Variants in TRIM37 observed in about 807,000 individuals in gnomAD.
The protein encoded by TRIM37 is tripartite motif containing 37, also known as E3 ubiquitin-protein ligase TRIM37.
TRIM37 carries 80 observed loss-of-function variants against 129.8 expected under a neutral mutation model. That is an observed-to-expected ratio of 0.62 (90% confidence interval 0.51 to 0.74). TRIM37 has a LOEUF of 0.74. TRIM37 is among the 30% of genes least tolerant of loss of function. TRIM37 has a pLI of 0.00. For missense variants in TRIM37, 1,054 were observed against 1,176.5 expected, an observed-to-expected ratio of 0.90 and a Z score of 1.52; for synonymous variants, 389 against 387.1, an observed-to-expected ratio of 1.00 and a Z score of -0.06.
chr17:59,060,519 T>C (rs770876574), intron 12 of TRIM37, among the ~76,000 whole-genome samples: 3 of 152,196 alleles, frequency 2.0e-5, no homozygotes, highest in Non-Finnish European at 2.9e-5. Flanking sequence ...TTGTTCAGTT[T>C]GGATGTAATA....
intron 22 of TRIM37, among the ~76,000 whole-genome samples, chr17:59,009,119 C>CT (rs927871882): frequency 2.0e-5 from 3 of 151,886 alleles, no homozygotes; most frequent in Non-Finnish European, 4.4e-5. Flanking sequence ...CTTCCAAGTT[C>CT]TTTTTTTTCT....
rs2043540743 is a variant in TRIM37 at position 59,084,051 on chromosome 17, C to T, written c.320G>A (p.Trp107Ter). ...NHHEKLSVFCWTCKKCICHQC... is the reference protein window; with the variant it reads ...NHHEKLSVFC ...ATGGCAGATACACTTCTTACAAGTC[C>T]AGCAAAATACACTAAGTTTTTCATG... is the stretch of plus-strand genomic sequence containing the variant. Residue 107 changes from tryptophan (W) to a stop codon, truncating the protein, a stop_gained, in exon 5 of 24, where the codon TGG becomes TAG. Transcript: ENST00000262294. LOFTEE classifies it high-confidence loss of function. 1 of 1,613,702 alleles carries T rather than the reference C, an allele frequency of 6.2e-7. No individual in the cohort carries two copies. Among genetic ancestry groups the T allele is most frequent in the Non-Finnish European group, 8.5e-7 (1 of 1,179,880 alleles).
chr17:58,985,624 A>G (rs893539440), intron 24 of TRIM37, among the ~76,000 whole-genome samples: 3 of 152,230 alleles, frequency 2.0e-5, no homozygotes, highest in African/African-American at 7.2e-5. Flanking sequence ...ATAAGTGAGT[A>G]AAAGGAGACA....
At chr17:58,977,494 T>C in the TRIM37 span, among the ~76,000 whole-genome samples, 5 of 150,926 alleles carry the variant, frequency 3.3e-5, no homozygotes, top group Non-Finnish European at 7.4e-5. Context: ...AGCCTAGATA[T>C]GAGTAAGATG....
chr17:59,030,864 A>C (rs1568024435), intron 18 of TRIM37, among the ~76,000 whole-genome samples: 1 of 152,236 alleles, frequency 6.6e-6, no homozygotes, highest in Non-Finnish European at 1.5e-5. Flanking sequence ...GGTTAAACCA[A>C]CTTACATATC....
At chr17:59,024,538 C>CT (rs2037012993) in intron 19 of TRIM37, among the ~76,000 whole-genome samples, 2 of 152,110 alleles carry the variant, frequency 1.3e-5, no homozygotes, top group African/African-American at 4.8e-5. Flanking sequence ...ATTAGTCTCT[C>CT]TTTTTTTAAG....
rs200919462 is a variant in TRIM37, at chr17:59,070,848, T to A, written c.784A>T (p.Thr262Ser). ...HRKPMASFVT[T>S]PVPPDFTSEL... ...CTGGTAAAGTCTGGTGGAACAGGAG[T>A]GGTAACAAAAGATGCCATGGGCTTC... The change falls in exon 9 of 24, where the codon ACT becomes TCT. Residue 262 changes from threonine to serine, a missense_variant. Physicochemically the swap from Thr to Ser is moderately conservative, Grantham distance 58. This residue lies in a region of TRIM37 where 752 missense variants were observed against 870.8 expected (regional missense o/e 0.86). Transcript: ENST00000262294. The A allele has an allele frequency of 1.2e-6, 2 of 1,612,976 alleles. No homozygotes were observed. The highest frequency in any genetic ancestry group is 1.3e-5 in the African/African-American group (1 of 74,538).
chr17:59,096,802 A>G (rs1405874197), intron 2 of TRIM37, among the ~76,000 whole-genome samples: 2 of 152,170 alleles, frequency 1.3e-5, no homozygotes, highest in Non-Finnish European at 2.9e-5. Flanking sequence ...TCATAATGCT[A>G]TATGAAAAAT....
intron 22 of TRIM37, among the ~76,000 whole-genome samples, chr17:59,003,210 A>G (rs770900200): frequency 3.3e-5 from 5 of 152,218 alleles, no homozygotes; most frequent in Non-Finnish European, 7.3e-5. Flanking sequence ...AACAGACTAG[A>G]AAAATGTCTG....
rs772607886 is a variant in TRIM37, at chr17:59,031,961, C to T, written c.1883G>A (p.Arg628Gln). Residue 628 changes from arginine to glutamine, a missense_variant, in exon 18 of 24, where the codon CGG (arginine) becomes CAG (glutamine). Coordinates refer to ENST00000262294, the MANE Select transcript of TRIM37 (RefSeq NM_015294.6). ...ILIHLLDLKD[R>Q]SSIENLWGLQ... ...GCCCCACAAATTTTCTATACTGCTC[C>T]GGTCCTTAAGGTCCAACAAATGTAT... 1.4e-5 allele frequency: 22 copies of T among 1,613,988 alleles called. No individual in the cohort carries two copies. The highest frequency in any genetic ancestry group is 1.6e-4 in the Middle Eastern group (1 of 6,084).
intron 12 of TRIM37, among the ~76,000 whole-genome samples, chr17:59,057,332 G>A (rs923806621): frequency 2.6e-5 from 4 of 151,742 alleles, no homozygotes; most frequent in Non-Finnish European, 5.9e-5. Flanking sequence ...CTCCTGCCTC[G>A]GCCTACAGAG....
the TRIM37 span, among the ~76,000 whole-genome samples, chr17:58,971,206 G>A: frequency 1.3e-5 from 2 of 152,128 alleles, no homozygotes; most frequent in South Asian, 2.1e-4. Flanking sequence ...TTTATCATGT[G>A]TTCTAGGGGG....
chr17:59,062,153 C>G (rs2041550018), intron 11 of TRIM37, among the ~76,000 whole-genome samples: 1 of 152,036 alleles, frequency 6.6e-6, no homozygotes. Context: ...TATTTAGCAT[C>G]TAGGCAATAT....
At position 59,047,655 on chromosome 17, in the gene TRIM37, C is replaced by CT. The variant is rs747826893; in HGVS notation, c.1667+27dup. The CT allele has an allele frequency of 3.1e-6, 5 of 1,605,950 alleles. No individual in the cohort carries two copies. The East Asian group carries it at 1.1e-4, about 36-fold the overall frequency. The stretch of plus-strand genomic sequence containing the variant: ...GCTTCTAATAATTACCACTTAAATG[C>CT]TTTACAGTAGTAAAGTGGGAAACTC... On this transcript the variant is annotated intron_variant, in intron 16 of 23. Transcript: ENST00000262294.
intron 19 of TRIM37, among the ~76,000 whole-genome samples, chr17:59,018,039 AAAGTATTATTGGATT>A (rs1267524686): frequency 2.8e-4 from 42 of 152,360 alleles, no homozygotes; most frequent in African/African-American, 9.1e-4. Flanking sequence ...TGGAAATTAT[AAAGTATTATTGGATT>A]AAAAAGAAAA....
chr17:59,106,289 C>G, intron 1 of TRIM37, 152 bp downstream of exon 1: 1 of 865,542 alleles, frequency 1.2e-6, no homozygotes, highest in Non-Finnish European at 1.9e-6. Context: ...AGAATGGGCA[C>G]GGCATCCTTG....
intron 9 of TRIM37, among the ~76,000 whole-genome samples, chr17:59,070,418 A>G (rs923607735): frequency 6.6e-6 from 1 of 152,128 alleles, no homozygotes; most frequent in African/African-American, 2.4e-5. Flanking sequence ...ATTTTTTTCT[A>G]TACTACGGAA....
In TRIM37 at chr17:59,062,653, C is replaced by T. The variant is rs781141614; in HGVS notation, c.861-5G>A. ...TCTGCTCTCTGACGCAAAGTGCTAA[C>T]GAAAAAGAAAACCAACCAAATCCCA... On this transcript the variant is annotated splice_region_variant and splice_polypyrimidine_tract_variant and intron_variant, in intron 10 of 23. Coordinates refer to ENST00000262294, the MANE Select transcript of TRIM37 (RefSeq NM_015294.6). 14 of 1,613,470 alleles carry T rather than the reference C, an allele frequency of 8.7e-6. No homozygotes were observed. Among genetic ancestry groups the T allele is most frequent in the Admixed American group, 3.3e-5 (2 of 59,938 alleles).
intron 17 of TRIM37, 82 bp from the exon 18 acceptor site, chr17:59,032,172 T>C: frequency 7.4e-7 from 1 of 1,354,616 alleles, no homozygotes; most frequent in South Asian, 1.2e-5. Context: ...GTTAACATTA[T>C]ATGAATACTT....
Sources: gnomAD v4.1 joint callset for allele counts (sites outside exome capture counted in the v4.1 genomes callset) on GRCh38, gnomAD v4.1.1 for gene constraint, gnomAD v4.1.1 regional missense constraint, MANE v1.5 for transcripts, NCBI Gene and HGNC (gene_info 2026-07-23, HGNC 2026-07-21) for gene names.